GALNTL6: variants seen among roughly 807,000 people sequenced by gnomAD.
GALNTL6 encodes the protein polypeptide N-acetylgalactosaminyltransferase like 6, also known as polypeptide N-acetylgalactosaminyltransferase-like 6.
In GALNTL6, 46 loss-of-function variants were observed where a neutral mutation model predicts 73.7. That is an observed-to-expected ratio of 0.62 (90% confidence interval 0.49 to 0.80). GALNTL6 has a LOEUF of 0.80. GALNTL6 is among the 30% of genes least tolerant of loss of function. The probability of loss-of-function intolerance (pLI) is 0.00; values close to 1 mark genes in which losing one functional copy is unlikely to be tolerated. For synonymous variants in GALNTL6, 259 were observed against 263.7 expected, an observed-to-expected ratio of 0.98 and a Z score of 0.17; for missense variants, 604 against 755.0, an observed-to-expected ratio of 0.80 and a Z score of 2.34.
chr4:172,832,639 T>C (rs754517289), intron 7 of GALNTL6, among the ~76,000 whole-genome samples: 2 of 152,280 alleles, frequency 1.3e-5, no homozygotes, highest in East Asian at 1.9e-4. Flanking sequence ...GCTTCCTCCA[T>C]AGTGTGTAAT....
At chr4:172,840,920 G>A (rs550033925) in intron 7 of GALNTL6, among the ~76,000 whole-genome samples, 1 of 152,306 alleles carries the variant, frequency 6.6e-6, no homozygotes, top group East Asian at 1.9e-4. Context: ...TCCAAAGATT[G>A]ATTAAAGGCA....
chr4:172,532,135 A>C (rs1230645815), intron 5 of GALNTL6, among the ~76,000 whole-genome samples: 2 of 152,124 alleles, frequency 1.3e-5, no homozygotes, highest in African/African-American at 2.4e-5. Flanking sequence ...AGTTGGATTG[A>C]TACACTGAAG....
chr4:171,854,504 A>T (rs1249667875), intron 2 of GALNTL6, among the ~76,000 whole-genome samples: 3 of 152,250 alleles, frequency 2.0e-5, no homozygotes, highest in African/African-American at 7.2e-5. Context: ...TCCTTTGTAC[A>T]CAGGTGTTAG....
At chr4:172,700,557 T>A (rs924829199) in intron 5 of GALNTL6, among the ~76,000 whole-genome samples, 6 of 152,190 alleles carry the variant, frequency 3.9e-5, no homozygotes, top group African/African-American at 1.4e-4. Context: ...GCTAGTGTGG[T>A]TTACCTGGTA....
At chr4:172,980,812 G>A (rs1751032231) in intron 10 of GALNTL6, among the ~76,000 whole-genome samples, 1 of 152,088 alleles carries the variant, frequency 6.6e-6, no homozygotes, top group Admixed American at 6.6e-5. Context: ...GGGGAGAGAG[G>A]GGCACAATTC....
At chr4:172,527,751 T>A (rs1464489832) in intron 5 of GALNTL6, among the ~76,000 whole-genome samples, 1 of 152,218 alleles carries the variant, frequency 6.6e-6, no homozygotes, top group Non-Finnish European at 1.5e-5. Context: ...TCACTGCCTC[T>A]CTTCCTTTAA....
At chr4:172,082,482 G>A (rs1479241243) in intron 2 of GALNTL6, among the ~76,000 whole-genome samples, 2 of 152,094 alleles carry the variant, frequency 1.3e-5, no homozygotes, top group Admixed American at 1.3e-4. Context: ...GATTACCAAG[G>A]GAGAGAGCAA....
intron 2 of GALNTL6, among the ~76,000 whole-genome samples, chr4:172,207,250 T>A (rs1736168034): frequency 6.6e-6 from 1 of 152,174 alleles, no homozygotes; most frequent in South Asian, 2.1e-4. Context: ...TCATTAAATA[T>A]GTTCAAGTAA....
intron 3 of GALNTL6, among the ~76,000 whole-genome samples, chr4:172,272,998 T>C: frequency 6.6e-6 from 1 of 152,050 alleles, no homozygotes; most frequent in East Asian, 1.9e-4. Context: ...ACTAAAACAC[T>C]TTTTAGGAAC....
intron 12 of GALNTL6, among the ~76,000 whole-genome samples, chr4:173,036,012 ACT>A (rs1364938821): frequency 6.6e-6 from 1 of 152,076 alleles, no homozygotes; most frequent in East Asian, 1.9e-4. Context: ...ATATCTATTA[ACT>A]CTTTTTATCC....
intron 3 of GALNTL6, among the ~76,000 whole-genome samples, chr4:172,239,976 T>G (rs1737365837): frequency 6.6e-6 from 1 of 152,168 alleles, no homozygotes; most frequent in Admixed American, 6.5e-5. Flanking sequence ...CTCCTTCTCT[T>G]TAGCTGCATT....
At chr4:172,601,189 T>C (rs1738040736) in intron 5 of GALNTL6, among the ~76,000 whole-genome samples, 1 of 152,172 alleles carries the variant, frequency 6.6e-6, no homozygotes. Context: ...ATGAACCTAA[T>C]ACCAGATTAG....
At position 172,438,744 on chromosome 4, in the gene GALNTL6, T is replaced by G. The variant is rs77194219; in HGVS notation, c.553+90055T>G. 6.4e-3 allele frequency among the ~76,000 whole-genome samples: 967 copies of G among 152,046 alleles called. 8 individuals carry two copies. Among genetic ancestry groups the G allele is most frequent in the Middle Eastern group, 0.034 (10 of 294 alleles). On this transcript the variant is annotated intron_variant, in intron 5 of 12. Coordinates refer to ENST00000506823, the MANE Select transcript of GALNTL6 (RefSeq NM_001034845.3). Reference sequence around the variant, plus strand: ...AATGAGACATTAGTGTTGCCTGGAATTAGGCCACCACTCTTTCCTTCTCCT... The same window carrying G: ...AATGAGACATTAGTGTTGCCTGGAAGTAGGCCACCACTCTTTCCTTCTCCT...
intron 5 of GALNTL6, among the ~76,000 whole-genome samples, chr4:172,395,443 TATA>T (rs1441191025): frequency 1.3e-4 from 20 of 152,328 alleles, no homozygotes; most frequent in African/African-American, 4.6e-4. Flanking sequence ...CAACCATTAA[TATA>T]ATATTTTTAT....
At chr4:172,748,511 A>G (rs1010237747) in intron 5 of GALNTL6, among the ~76,000 whole-genome samples, 1 of 151,932 alleles carries the variant, frequency 6.6e-6, no homozygotes, top group Non-Finnish European at 1.5e-5. Context: ...AACAACATGG[A>G]AAAAAAATGC....
At chr4:173,030,179 C>T (rs998331445) in intron 12 of GALNTL6, among the ~76,000 whole-genome samples, 13 of 152,152 alleles carry the variant, frequency 8.5e-5, no homozygotes, top group African/African-American at 3.1e-4. Flanking sequence ...GATTCTTATG[C>T]AGAAAATTTC....
rs963434109 is a variant in GALNTL6 at position 172,545,988 on chromosome 4, G to C, written c.553+197299G>C. Among the ~76,000 whole-genome samples, 19 of 152,222 alleles carry C rather than the reference G, an allele frequency of 1.2e-4. No homozygotes were observed. The East Asian group carries it at 3.5e-3, about 28-fold the overall frequency. On this transcript the variant is annotated intron_variant, in intron 5 of 12. Transcript: ENST00000506823. ...AGTGCTTACTTACTATTTATTAAGT[G>C]CCTACAATGTGCTAAGGTGTTATTT... is the stretch of plus-strand genomic sequence containing the variant.
At chr4:172,199,849 T>C (rs1374586595) in intron 2 of GALNTL6, among the ~76,000 whole-genome samples, 2 of 152,192 alleles carry the variant, frequency 1.3e-5, no homozygotes. Context: ...GTTGACATAC[T>C]CTAGAAAGAC....
chr4:172,249,031 GT>G (rs1344299383), intron 3 of GALNTL6, among the ~76,000 whole-genome samples: 1 of 152,198 alleles, frequency 6.6e-6, no homozygotes, highest in Non-Finnish European at 1.5e-5. Flanking sequence ...AAATGTGAAA[GT>G]GACTTTGGAA....
Sources: gnomAD v4.1 joint callset for allele counts (sites outside exome capture counted in the v4.1 genomes callset) on GRCh38, gnomAD v4.1.1 for gene constraint, MANE v1.5 for transcripts, NCBI Gene and HGNC (gene_info 2026-07-23, HGNC 2026-07-21) for gene names.